The following CCDC158 variants were observed in gnomAD, a reference collection of about 807,000 sequenced individuals.
CCDC158 encodes coiled-coil domain containing 158, also known as coiled-coil domain-containing protein 158.
CCDC158 carries 116 observed loss-of-function variants against 138.6 expected under a neutral mutation model. The ratio of observed to expected loss-of-function variants is 0.84; its 90% CI spans 0.72 to 0.98. CCDC158 has a LOEUF of 0.98. CCDC158 is among the 50% of genes least tolerant of loss of function. The pLI is 0.00. For missense variants in CCDC158, 1,265 were observed against 1,306.1 expected, an observed-to-expected ratio of 0.97 and a Z score of 0.48; for synonymous variants, 436 against 442.4, an observed-to-expected ratio of 0.99 and a Z score of 0.18.
At chr4:76,346,537 G>A (rs564666807) in intron 18 of CCDC158, among the ~76,000 whole-genome samples, 6 of 152,152 alleles carry the variant, frequency 3.9e-5, no homozygotes, top group South Asian at 2.1e-4. Flanking sequence ...TGGTGAAACC[G>A]TGTTTCTACT....
intron 2 of CCDC158, among the ~76,000 whole-genome samples, chr4:76,404,715 A>T (rs1007778099): frequency 6.6e-6 from 1 of 152,090 alleles, no homozygotes; most frequent in African/African-American, 2.4e-5. Flanking sequence ...GAGAATAAAA[A>T]ATAAAATAAA....
chr4:76,376,794 G>T (rs1466169316), intron 9 of CCDC158, among the ~76,000 whole-genome samples: 1 of 152,136 alleles, frequency 6.6e-6, no homozygotes, highest in Non-Finnish European at 1.5e-5. Flanking sequence ...CATCAACTAG[G>T]TGCCAACTCT....
chr4:76,352,211 A>G (rs896568821), intron 16 of CCDC158: 4 of 155,742 alleles, frequency 2.6e-5, no homozygotes, highest in African/African-American at 7.2e-5. Flanking sequence ...GAGACCATCC[A>G]TCCTGGCCAA....
At chr4:76,325,411 C>A (rs952399642) in intron 23 of CCDC158, among the ~76,000 whole-genome samples, 1 of 152,094 alleles carries the variant, frequency 6.6e-6, no homozygotes, top group Admixed American at 6.5e-5. Context: ...ATTTTTTTCT[C>A]ATTTGTCTTA....
intron 14 of CCDC158, among the ~76,000 whole-genome samples, chr4:76,356,370 ATG>A (rs990694969): frequency 7.7e-5 from 4 of 52,212 alleles, no homozygotes; most frequent in Non-Finnish European, 1.3e-4. Flanking sequence ...TCTAAAACAA[ATG>A]TTTTTTTTTT....
chr4:76,397,710 C>A (rs990647514), intron 3 of CCDC158, among the ~76,000 whole-genome samples: 2 of 152,154 alleles, frequency 1.3e-5, no homozygotes, highest in African/African-American at 4.8e-5. Flanking sequence ...AGGAAGAACT[C>A]TATGGTATTG....
chr4:76,344,446 G>A (rs1722351397), intron 18 of CCDC158: 2 of 639,284 alleles, frequency 3.1e-6, no homozygotes, highest in Non-Finnish European at 5.7e-6. Context: ...GTGAAGTTTG[G>A]ACCAAAAATG....
At chr4:76,418,915 C>T (rs1729902657) in intron 1 of CCDC158, among the ~76,000 whole-genome samples, 2 of 152,120 alleles carry the variant, frequency 1.3e-5, no homozygotes, top group Admixed American at 1.3e-4. Context: ...CTGAAAACTC[C>T]AAAGTATCTT....
At chr4:76,381,221 G>A (rs570389025) in intron 8 of CCDC158, among the ~76,000 whole-genome samples, 12 of 152,298 alleles carry the variant, frequency 7.9e-5, no homozygotes, top group African/African-American at 2.9e-4. Context: ...CCAGACCCCA[G>A]AATGGTAGAT....
intron 1 of CCDC158, among the ~76,000 whole-genome samples, chr4:76,415,791 G>A (rs187868059): frequency 3.3e-5 from 5 of 152,324 alleles, no homozygotes; most frequent in African/African-American, 1.2e-4. Flanking sequence ...GGTAATGCCA[G>A]TGTCTGGGAA....
intron 18 of CCDC158, chr4:76,345,499 T>C (rs889759229): frequency 3.2e-6 from 3 of 929,502 alleles, no homozygotes; most frequent in Admixed American, 1.7e-5. Flanking sequence ...TTTAGAAAGA[T>C]TCTCATTGAA....
intron 24 of CCDC158, among the ~76,000 whole-genome samples, chr4:76,320,192 A>C (rs1417456733): frequency 6.6e-6 from 1 of 152,170 alleles, no homozygotes; most frequent in Non-Finnish European, 1.5e-5. Flanking sequence ...CCCTTTTATA[A>C]CAGCTGCAAG....
chr4:76,385,703 C>T (rs554188118), intron 4 of CCDC158, among the ~76,000 whole-genome samples: 1 of 151,398 alleles, frequency 6.6e-6, no homozygotes, highest in East Asian at 1.9e-4. Flanking sequence ...AGGAAACGGC[C>T]AAAGAAAAAA....
intron 22 of CCDC158, among the ~76,000 whole-genome samples, chr4:76,328,105 C>A (rs1251883583): frequency 6.6e-6 from 1 of 152,176 alleles, no homozygotes; most frequent in Non-Finnish European, 1.5e-5. Flanking sequence ...TGCCACTTTG[C>A]TTATCAACAA....
intron 1 of CCDC158, among the ~76,000 whole-genome samples, chr4:76,415,299 T>C (rs922774188): frequency 2.0e-5 from 3 of 152,038 alleles, no homozygotes; most frequent in African/African-American, 7.2e-5. Flanking sequence ...ATTAGAGAGG[T>C]GACCCGGGTA....
chr4:76,378,903 A>G (rs1725964376), intron 9 of CCDC158, among the ~76,000 whole-genome samples: 2 of 152,224 alleles, frequency 1.3e-5, no homozygotes, highest in Admixed American at 1.3e-4. Flanking sequence ...TGGTAGCTTC[A>G]CAATGATTAG....
intron 18 of CCDC158, among the ~76,000 whole-genome samples, chr4:76,346,485 G>A (rs1008255796): frequency 6.6e-6 from 1 of 152,224 alleles, no homozygotes; most frequent in African/African-American, 2.4e-5. Flanking sequence ...GCCAAGCTGG[G>A]TGGATCACAA....
chr4:76,380,564 C>A (rs1312562169), intron 8 of CCDC158, among the ~76,000 whole-genome samples: 1 of 152,156 alleles, frequency 6.6e-6, no homozygotes, highest in African/African-American at 2.4e-5. Flanking sequence ...TATATATTTA[C>A]AAAGAGATGG....
At chr4:76,343,930 T>C (rs1435546328) in intron 18 of CCDC158, among the ~76,000 whole-genome samples, 1 of 152,184 alleles carries the variant, frequency 6.6e-6, no homozygotes, top group African/African-American at 2.4e-5. Context: ...AGCATTCCCT[T>C]TGAAAACTGG....
Sources: allele counts gnomAD v4.1 joint callset (sites outside exome capture counted in the v4.1 genomes callset), GRCh38; gene constraint gnomAD v4.1.1; transcripts MANE v1.5; gene names NCBI Gene and HGNC (gene_info 2026-07-23, HGNC 2026-07-21).